The following SERPINB7 variants were observed in gnomAD, a reference collection of about 807,000 sequenced individuals.
The protein encoded by SERPINB7 is serpin family B member 7.
SERPINB7 carries 31 observed loss-of-function variants against 37.4 expected under a neutral mutation model. The ratio of observed to expected loss-of-function variants is 0.83; its 90% CI spans 0.62 to 1.12. SERPINB7 has a LOEUF of 1.12. Ranked by LOEUF, SERPINB7 falls within the 50% of genes most tolerant of loss-of-function variation. SERPINB7 has a pLI of 0.00. For missense variants in SERPINB7, 521 were observed against 455.3 expected (o/e 1.14, Z -1.31); for synonymous variants, 163 against 166.1 (o/e 0.98, Z 0.14).
chr18:63,759,844 T>C (rs980361755), intron 1 of SERPINB7, among the ~76,000 whole-genome samples: 3 of 152,196 alleles, frequency 2.0e-5, no homozygotes, highest in Non-Finnish European at 2.9e-5. Flanking sequence ...TAAGAAGTGC[T>C]TCTCACCTCC....
intron 2 of SERPINB7, among the ~76,000 whole-genome samples, chr18:63,786,552 G>A (rs1175290580): frequency 4.6e-5 from 7 of 151,772 alleles, no homozygotes; most frequent in East Asian, 1.9e-4. Context: ...TCTCTAAGAC[G>A]AAATAATAGT....
intron 1 of SERPINB7, among the ~76,000 whole-genome samples, chr18:63,753,958 A>G (rs912644311): frequency 1.3e-5 from 2 of 152,192 alleles, no homozygotes; most frequent in Non-Finnish European, 2.9e-5. Flanking sequence ...TTTGCCCTCA[A>G]TATAAACAAA....
intron 1 of SERPINB7, 116 bp from the exon 2 acceptor site, chr18:63,782,239 A>T: frequency 1.6e-6 from 1 of 608,984 alleles, no homozygotes; most frequent in Non-Finnish European, 2.4e-6. Context: ...TTTGATGATT[A>T]CCTCCAAGGC....
chr18:63,802,796 G>A (rs1868570447), intron 7 of SERPINB7, among the ~76,000 whole-genome samples: 1 of 152,136 alleles, frequency 6.6e-6, no homozygotes. Flanking sequence ...TAAAGCTTTG[G>A]AATGACACTT....
At chr18:63,794,848 G>A (rs567562074) in intron 4 of SERPINB7, among the ~76,000 whole-genome samples, 1 of 152,332 alleles carries the variant, frequency 6.6e-6, no homozygotes, top group East Asian at 1.9e-4. Flanking sequence ...TAGAGAGCTA[G>A]TCTTATCCTG....
At chr18:63,786,669 T>C (rs1230018549) in intron 2 of SERPINB7, among the ~76,000 whole-genome samples, 2 of 152,096 alleles carry the variant, frequency 1.3e-5, no homozygotes, top group African/African-American at 4.8e-5. Flanking sequence ...TCTTAGACTG[T>C]ATAGACTCAT....
upstream of SERPINB7, among the ~76,000 whole-genome samples, chr18:63,771,720 A>C (rs1473752613): frequency 6.6e-6 from 1 of 152,082 alleles, no homozygotes; most frequent in Non-Finnish European, 1.5e-5. Flanking sequence ...ATAAGGTTAT[A>C]TATGGGATTC....
chr18:63,790,502 G>C (rs1568211085), intron 2 of SERPINB7, among the ~76,000 whole-genome samples: 1 of 152,160 alleles, frequency 6.6e-6, no homozygotes, highest in Non-Finnish European at 1.5e-5. Context: ...ACAAAATATA[G>C]TTTTTAAATT....
intron 1 of SERPINB7, among the ~76,000 whole-genome samples, chr18:63,759,749 TA>T (rs2049142384): frequency 6.6e-6 from 1 of 152,198 alleles, no homozygotes; most frequent in African/African-American, 2.4e-5. Context: ...ATTCTTGTCA[TA>T]GTGAGTAAGT....
At chr18:63,763,104 T>G (rs534029238) in intron 1 of SERPINB7, among the ~76,000 whole-genome samples, 4 of 152,300 alleles carry the variant, frequency 2.6e-5, no homozygotes, top group Admixed American at 6.5e-5. Flanking sequence ...ACAAGGTAGA[T>G]GAAAATCTTG....
Position 63,804,440 on chromosome 18 carries a change from G to C in SERPINB7, c.948G>C (p.Leu316=), listed in dbSNP as rs753215373. The stretch of plus-strand genomic sequence containing the variant: ...CTGGGATTGCTTCGGGGGGTCGTCT[G>C]TATATATCAAGGATGATGCACAAAT... The part of the protein sequence containing the change: ...DLSGIASGGR[L]YISRMMHKSY... Residue 316 remains leucine, a synonymous_variant, in exon 8 of 8, where the codon CTG becomes CTC. Coordinates refer to ENST00000398019, the MANE Select transcript of SERPINB7 (RefSeq NM_003784.4). 3.7e-6 allele frequency: 6 copies of C among 1,613,596 alleles called. No homozygotes were observed. The South Asian group carries it at 5.5e-5, about 15-fold the overall frequency.
At chr18:63,786,210 GTATATA>G (rs143561199) in intron 2 of SERPINB7, among the ~76,000 whole-genome samples, 7,923 of 64,286 alleles carry the variant, frequency 0.12, 1,616 homozygotes, top group East Asian at 0.35. Context: ...GCACATACGT[GTATATA>G]TATATATATA....
intron 2 of SERPINB7, among the ~76,000 whole-genome samples, chr18:63,783,091 T>C (rs2049318260): frequency 6.6e-6 from 1 of 150,892 alleles, no homozygotes; most frequent in African/African-American, 2.5e-5. Flanking sequence ...TGAGCCGAGA[T>C]AGCGCTACTG....
intron 2 of SERPINB7, among the ~76,000 whole-genome samples, chr18:63,783,219 AGAGAGAGAG>A (rs1210770584): frequency 3.9e-3 from 289 of 74,604 alleles, no homozygotes; most frequent in Middle Eastern, 0.026. Context: ...AGAGAGAGAG[AGAGAGAGAG>A]AGAGAGAAAG....
At chr18:63,788,107 T>C (rs1223818062) in intron 2 of SERPINB7, among the ~76,000 whole-genome samples, 1 of 152,238 alleles carries the variant, frequency 6.6e-6, no homozygotes, top group African/African-American at 2.4e-5. Flanking sequence ...AGTAGTTATT[T>C]TAAAGTGTAC....
In SERPINB7 at chr18:63,793,151, T is replaced by C; in HGVS notation, c.220-10T>C. The C allele has an allele frequency of 6.9e-7, 1 of 1,441,194 alleles. No individual in the cohort carries two copies. Among genetic ancestry groups the C allele is most frequent in the Non-Finnish European group, 9.5e-7 (1 of 1,052,618 alleles). The allele number at this position is 1,441,194 out of a possible 1,614,324, so 89.3% of individuals were successfully genotyped here. On this transcript the variant is annotated splice_polypyrimidine_tract_variant and intron_variant, in intron 3 of 7. Transcript: ENST00000398019. Reference sequence around the variant, plus strand: ...CAAAAATAAATTTTTATACATCTTTTTAATAACAGTCAGGGCTCCAGTCTC... The same window carrying C: ...CAAAAATAAATTTTTATACATCTTTCTAATAACAGTCAGGGCTCCAGTCTC...
At chr18:63,804,102 C>A in intron 7 of SERPINB7, 135 bp from the exon 8 acceptor site, 1 of 640,196 alleles carries the variant, frequency 1.6e-6, no homozygotes, top group Non-Finnish European at 2.6e-6. Flanking sequence ...TTCAAGACTG[C>A]CCAAGACACA....
intron 2 of SERPINB7, among the ~76,000 whole-genome samples, chr18:63,783,224 GAGAGAGAGAGAAAGAAAGAAAGAA>G (rs1269980544): frequency 8.7e-4 from 47 of 54,128 alleles, no homozygotes; most frequent in Non-Finnish European, 1.4e-3. Flanking sequence ...GAGAGAGAGA[GAGAGAGAGAGAAAGAAAGAAAGAA>G]AGAAAGAAAG....
At chr18:63,755,955 T>C (rs991922900) in intron 1 of SERPINB7, among the ~76,000 whole-genome samples, 1 of 152,082 alleles carries the variant, frequency 6.6e-6, no homozygotes, top group South Asian at 2.1e-4. Flanking sequence ...ATAAAAAGTA[T>C]AAAGTTCTTA....
Sources: allele counts gnomAD v4.1 joint callset (sites outside exome capture counted in the v4.1 genomes callset), GRCh38; gene constraint gnomAD v4.1.1; transcripts MANE v1.5; gene names NCBI Gene and HGNC (gene_info 2026-07-23, HGNC 2026-07-21).